The following ENOX2 variants were observed in gnomAD, a reference collection of about 807,000 sequenced individuals.
The protein encoded by ENOX2 is APK1 antigen.
Under a neutral mutation model 45.0 loss-of-function variants are expected in ENOX2, and 36 were observed. That is an observed-to-expected ratio of 0.80 (90% CI 0.61 to 1.06). The LOEUF is 1.06. ENOX2 is among the 50% of genes least tolerant of loss of function. The pLI is 0.00. For missense variants in ENOX2, 423 were observed against 462.5 expected (o/e 0.91, Z 0.78); for synonymous variants, 174 against 152.3 (o/e 1.14, Z -1.05).
intron 10 of ENOX2, among the ~76,000 whole-genome samples, chrX:130,648,874 G>C: frequency 9.4e-6 from 1 of 106,505 alleles, no homozygotes; most frequent in Non-Finnish European, 1.9e-5. Context: ...ATGAAACCCC[G>C]TCTCTACTAA....
intron 2 of ENOX2, among the ~76,000 whole-genome samples, chrX:130,785,126 G>A (rs1232108872): frequency 1.8e-5 from 2 of 108,584 alleles, no homozygotes; most frequent in Non-Finnish European, 3.8e-5. Flanking sequence ...AGGAGTTCGA[G>A]ACCAGCCTGA....
At chrX:130,652,455 T>C (rs989525398) in intron 10 of ENOX2, among the ~76,000 whole-genome samples, 2 of 112,038 alleles carry the variant, frequency 1.8e-5, no homozygotes, top group Admixed American at 9.4e-5. Flanking sequence ...CATCTACTAT[T>C]CCTTCTAGTT....
chrX:130,871,791 C>A (rs1018098346), intron 2 of ENOX2, among the ~76,000 whole-genome samples: 1 of 110,735 alleles, frequency 9.0e-6, no homozygotes, highest in Non-Finnish European at 1.9e-5. Context: ...TTCTAAGCCA[C>A]CGAGGAACAG....
intron 2 of ENOX2, among the ~76,000 whole-genome samples, chrX:130,884,050 G>C (rs994049918): frequency 8.9e-6 from 1 of 111,740 alleles, no homozygotes; most frequent in Admixed American, 9.4e-5. Flanking sequence ...CTGAAACCAA[G>C]TTTAATATGG....
At chrX:130,672,554 T>C (rs989939771) in intron 6 of ENOX2, among the ~76,000 whole-genome samples, 1 of 112,539 alleles carries the variant, frequency 8.9e-6, no homozygotes, top group Non-Finnish European at 1.9e-5. Flanking sequence ...TCTCACATGC[T>C]GAAAGGCAGA....
intron 2 of ENOX2, among the ~76,000 whole-genome samples, chrX:130,826,108 C>A (rs1161929432): frequency 9.0e-6 from 1 of 110,751 alleles, no homozygotes; most frequent in Non-Finnish European, 1.9e-5. Flanking sequence ...TACTGTATAC[C>A]ATGTTTTCTC....
intron 2 of ENOX2, among the ~76,000 whole-genome samples, chrX:130,789,667 C>T (rs767005531): frequency 8.9e-6 from 1 of 112,449 alleles, no homozygotes. Context: ...GTTTCTATAA[C>T]CTAATTCTTA....
At chrX:130,864,572 G>C (rs913979625) in intron 2 of ENOX2, among the ~76,000 whole-genome samples, 42 of 112,270 alleles carry the variant, frequency 3.7e-4, no homozygotes, top group African/African-American at 1.4e-3. Context: ...CAAAGTCCAA[G>C]CTCAAAACAT....
intron 3 of ENOX2, among the ~76,000 whole-genome samples, chrX:130,744,425 T>C (rs1424890528): frequency 8.9e-6 from 1 of 112,308 alleles, no homozygotes; most frequent in Non-Finnish European, 1.9e-5. Flanking sequence ...CATTTATTTA[T>C]TTTTAAATCA....
At chrX:130,685,018 G>A (rs1469022105) in intron 5 of ENOX2, among the ~76,000 whole-genome samples, 1 of 112,162 alleles carries the variant, frequency 8.9e-6, no homozygotes, top group East Asian at 2.8e-4. Context: ...GATTGGGACT[G>A]TGGCAGAGAG....
chrX:130,709,153 C>G (rs946745830), intron 3 of ENOX2: 1 of 794,748 alleles, frequency 1.3e-6, no homozygotes, highest in African/African-American at 2.0e-5. Flanking sequence ...GCACCCTTTA[C>G]TGTGACTAGC....
chrX:130,837,834 T>G (rs1190636202), intron 2 of ENOX2, among the ~76,000 whole-genome samples: 2 of 111,923 alleles, frequency 1.8e-5, no homozygotes, highest in Non-Finnish European at 3.8e-5. Flanking sequence ...ACAAAATAAG[T>G]GCTCAGTAAA....
intron 3 of ENOX2, among the ~76,000 whole-genome samples, chrX:130,775,976 CA>C (rs1397088283): frequency 1.8e-5 from 2 of 111,229 alleles, no homozygotes; most frequent in Admixed American, 1.9e-4. Flanking sequence ...CACCTAAGGC[CA>C]AAAGTCTAAT....
intron 3 of ENOX2, among the ~76,000 whole-genome samples, chrX:130,718,053 C>T (rs1386063333): frequency 9.0e-6 from 1 of 111,267 alleles, no homozygotes. Flanking sequence ...CCTCCCCTCC[C>T]TCTCTTCCTC....
At chrX:130,748,801 C>G (rs777379729) in intron 3 of ENOX2, among the ~76,000 whole-genome samples, 1 of 111,753 alleles carries the variant, frequency 8.9e-6, no homozygotes, top group African/African-American at 3.2e-5. Flanking sequence ...TTGCTTGATG[C>G]CCTGGAGTAC....
chrX:130,884,505 C>T (rs915487125), intron 2 of ENOX2, among the ~76,000 whole-genome samples: 5 of 111,069 alleles, frequency 4.5e-5, no homozygotes, highest in African/African-American at 1.6e-4. Context: ...ATAAAAATGG[C>T]CCCTTCAAGA....
At chrX:130,751,781 A>G (rs1484026126) in intron 3 of ENOX2, among the ~76,000 whole-genome samples, 4 of 112,063 alleles carry the variant, frequency 3.6e-5, no homozygotes, top group African/African-American at 1.3e-4. Flanking sequence ...GTATTTAATT[A>G]TGGTTTTGAT....
chrX:130,781,999 T>C (rs2076905077), intron 3 of ENOX2, among the ~76,000 whole-genome samples: 1 of 111,079 alleles, frequency 9.0e-6, no homozygotes, highest in South Asian at 3.8e-4. Context: ...CCTTAAAAAT[T>C]TAAAAGTATT....
At chrX:130,867,930 T>C (rs1384853100) in intron 2 of ENOX2, among the ~76,000 whole-genome samples, 1 of 112,087 alleles carries the variant, frequency 8.9e-6, no homozygotes, top group Non-Finnish European at 1.9e-5. Flanking sequence ...TGAATACCAT[T>C]GTCCTTCAGT....
Sources: allele counts gnomAD v4.1 joint callset (sites outside exome capture counted in the v4.1 genomes callset), GRCh38; gene constraint gnomAD v4.1.1; transcripts MANE v1.5; gene names NCBI Gene and HGNC (gene_info 2026-07-23, HGNC 2026-07-21).